PTPRT: variants seen among roughly 807,000 people sequenced by gnomAD.
PTPRT encodes receptor-type tyrosine-protein phosphatase T.
PTPRT carries 56 observed loss-of-function variants against 176.8 expected under a neutral mutation model. The observed-to-expected ratio is 0.32, with a 90% CI of 0.26 to 0.40. PTPRT has a LOEUF of 0.40. Among genes scored for constraint, PTPRT ranks in the 10% least tolerant of loss-of-function variants. PTPRT has a pLI of 1.00. For missense variants in PTPRT, 1,540 were observed against 1,908.2 expected (o/e 0.81, Z 3.60); for synonymous variants, 783 against 739.0 (o/e 1.06, Z -0.96).
chr20:42,924,943 T>C (rs1979386519), intron 1 of PTPRT, among the ~76,000 whole-genome samples: 1 of 152,230 alleles, frequency 6.6e-6, no homozygotes, highest in African/African-American at 2.4e-5. Context: ...AGCATCCATT[T>C]TTAAAGAGCC....
intron 2 of PTPRT, among the ~76,000 whole-genome samples, chr20:42,861,984 G>C (rs936117773): frequency 5.3e-5 from 8 of 152,062 alleles, no homozygotes; most frequent in African/African-American, 1.9e-4. Context: ...TACAATGCAG[G>C]CCACATTTAT....
At chr20:42,324,527 A>C (rs960947870) in intron 11 of PTPRT, among the ~76,000 whole-genome samples, 1 of 152,246 alleles carries the variant, frequency 6.6e-6, no homozygotes, top group South Asian at 2.1e-4. Flanking sequence ...TTATACCTCA[A>C]TAAAGCTGTT....
intron 11 of PTPRT, among the ~76,000 whole-genome samples, chr20:42,325,753 C>T (rs1600838248): frequency 2.0e-5 from 3 of 152,166 alleles, no homozygotes; most frequent in African/African-American, 7.2e-5. Flanking sequence ...CTGCTCAAAG[C>T]CCCCTTATGG....
chr20:42,945,983 T>C (rs1980860600), intron 1 of PTPRT, among the ~76,000 whole-genome samples: 1 of 152,178 alleles, frequency 6.6e-6, no homozygotes, highest in Non-Finnish European at 1.5e-5. Flanking sequence ...AATCATACAA[T>C]ACGCAACCTT....
chr20:42,897,595 G>A (rs2079325034), intron 1 of PTPRT, among the ~76,000 whole-genome samples: 2 of 152,188 alleles, frequency 1.3e-5, no homozygotes, highest in Non-Finnish European at 2.9e-5. Context: ...TAAATAAAGA[G>A]TTCAATGAGG....
chr20:42,128,651 A>C, intron 19 of PTPRT, 103 bp downstream of exon 19: 1 of 996,272 alleles, frequency 1.0e-6, no homozygotes, highest in Non-Finnish European at 1.4e-6. Context: ...GAGGATCCAG[A>C]CTGCTCTGGA....
At chr20:42,436,065 T>C (rs2059259625) in intron 9 of PTPRT, among the ~76,000 whole-genome samples, 1 of 152,164 alleles carries the variant, frequency 6.6e-6, no homozygotes, top group African/African-American at 2.4e-5. Flanking sequence ...AAATAAAATT[T>C]TCACTCCATC....
intron 7 of PTPRT, among the ~76,000 whole-genome samples, chr20:42,610,768 CAT>C (rs1235480356): frequency 2.6e-5 from 4 of 152,196 alleles, no homozygotes; most frequent in African/African-American, 7.2e-5. Context: ...CGTATATTCA[CAT>C]AGTTATGCAG....
chr20:43,048,180 G>A (rs948797509), intron 1 of PTPRT, among the ~76,000 whole-genome samples: 1 of 152,162 alleles, frequency 6.6e-6, no homozygotes. Flanking sequence ...GGCAGAGGGG[G>A]TGGGGTCCAG....
At chr20:42,439,551 T>C (rs1303491318) in intron 9 of PTPRT, among the ~76,000 whole-genome samples, 2 of 152,216 alleles carry the variant, frequency 1.3e-5, no homozygotes, top group East Asian at 3.9e-4. Flanking sequence ...GTGAGTTGGC[T>C]GTAGCGTAAC....
At position 43,067,624 on chromosome 20, in the gene PTPRT, T is replaced by C. The variant is rs545975907; in HGVS notation, c.88+122022A>G. Reference sequence around the variant, plus strand: ...CAAGTAATGCTTACAGGAAGGGAAGTCCTCGGATGACTGTTGGGTACCTGA... The same window carrying C: ...CAAGTAATGCTTACAGGAAGGGAAGCCCTCGGATGACTGTTGGGTACCTGA... On this transcript the variant is annotated intron_variant, in intron 1 of 30. Transcript: ENST00000373187. Among the ~76,000 whole-genome samples the C allele has an allele frequency of 4.6e-5, 7 of 151,846 alleles. No homozygotes were observed. The South Asian group carries it at 1.5e-3, about 32-fold the overall frequency.
At chr20:42,145,106 C>T (rs562540596) in intron 17 of PTPRT, among the ~76,000 whole-genome samples, 6 of 151,884 alleles carry the variant, frequency 4.0e-5, no homozygotes, top group Admixed American at 1.3e-4. Context: ...GTCTCTGTTG[C>T]AACAACTCAT....
intron 7 of PTPRT, among the ~76,000 whole-genome samples, chr20:42,651,629 G>T (rs2075032251): frequency 6.6e-6 from 1 of 152,172 alleles, no homozygotes; most frequent in Non-Finnish European, 1.5e-5. Flanking sequence ...TTCAAGGCAG[G>T]TTGTATTGCT....
chr20:43,009,057 AC>A (rs1302836400), intron 1 of PTPRT, among the ~76,000 whole-genome samples: 2 of 152,148 alleles, frequency 1.3e-5, no homozygotes, highest in African/African-American at 4.8e-5. Flanking sequence ...TGATCCTGAT[AC>A]CTTGGTGAGC....
In PTPRT at chr20:42,887,084, T is replaced by C. The variant is rs553257778; in HGVS notation, c.89-1152A>G. 7.2e-4 allele frequency among the ~76,000 whole-genome samples: 109 copies of C among 152,274 alleles called. 1 individual carries two copies. Among genetic ancestry groups the C allele is most frequent in the Middle Eastern group, 3.4e-3 (1 of 294 alleles). ...GTTCACAGGGTGCATCACATCACCA[T>C]CCTCCTCCTTTAAACGCTCACAGGT... is the stretch of plus-strand genomic sequence containing the variant. On this transcript the variant is annotated intron_variant, in intron 1 of 30. Transcript: ENST00000373187.
At chr20:42,070,948 T>C (rs914584560), downstream of PTPRT, among the ~76,000 whole-genome samples, 1 of 152,202 alleles carries the variant, frequency 6.6e-6, no homozygotes, top group Non-Finnish European at 1.5e-5. Flanking sequence ...GTATTACATT[T>C]GTGGCCAAAG....
At chr20:43,092,933 T>A (rs2011946740) in intron 1 of PTPRT, among the ~76,000 whole-genome samples, 1 of 152,228 alleles carries the variant, frequency 6.6e-6, no homozygotes, top group African/African-American at 2.4e-5. Flanking sequence ...CTTTATAATG[T>A]TGTTTGGGAA....
At chr20:42,065,824 C>T in the PTPRT span, among the ~76,000 whole-genome samples, 3 of 152,128 alleles carry the variant, frequency 2.0e-5, no homozygotes, top group Non-Finnish European at 4.4e-5. Flanking sequence ...GTAATATCTA[C>T]CACTAATTAT....
chr20:42,034,213 C>T, the PTPRT span, among the ~76,000 whole-genome samples: 1 of 152,092 alleles, frequency 6.6e-6, no homozygotes, highest in South Asian at 2.1e-4. Context: ...AGAAATGATC[C>T]ACTTCCAAGC....
Sources: gnomAD v4.1 joint callset for allele counts (sites outside exome capture counted in the v4.1 genomes callset) on GRCh38, gnomAD v4.1.1 for gene constraint, MANE v1.5 for transcripts, NCBI Gene and HGNC (gene_info 2026-07-23, HGNC 2026-07-21) for gene names.